Variants in ISLR2 observed in about 807,000 individuals in gnomAD.
ISLR2 encodes immunoglobulin superfamily containing leucine rich repeat 2, also known as immunoglobulin superfamily containing leucine-rich repeat protein 2.
In ISLR2, 16 loss-of-function variants were observed where a neutral mutation model predicts 25.5. The observed-to-expected ratio is 0.63, with a 90% CI of 0.43 to 0.95. ISLR2 has a LOEUF of 0.95. Among genes scored for constraint, ISLR2 ranks in the 40% least tolerant of loss-of-function variants. ISLR2 has a pLI of 0.00. For missense variants in ISLR2, 883 were observed against 1,030.7 expected, an observed-to-expected ratio of 0.86 and a Z score of 1.96; for synonymous variants, 508 against 486.6, an observed-to-expected ratio of 1.04 and a Z score of -0.58.
chr15:74,141,442 C>A (rs546659168), downstream of ISLR2, among the ~76,000 whole-genome samples: 1 of 152,032 alleles, frequency 6.6e-6, no homozygotes, highest in African/African-American at 2.4e-5. Flanking sequence ...TGATCATTGT[C>A]GAAATGGGGA....
At chr15:74,123,358 G>A (rs771512613), upstream of ISLR2, among the ~76,000 whole-genome samples, 18 of 152,174 alleles carry the variant, frequency 1.2e-4, no homozygotes, top group Non-Finnish European at 2.5e-4. Context: ...AGCCCTGTCA[G>A]ATGGCAGCCT....
At chr15:74,104,471 G>A (rs1284507073) in intron 2 of ISLR2, among the ~76,000 whole-genome samples, 1 of 152,242 alleles carries the variant, frequency 6.6e-6, no homozygotes, top group African/African-American at 2.4e-5. Context: ...AGGTCCAAAA[G>A]GAGCACCTGA....
At chr15:74,129,363 G>C (rs1400742341), upstream of ISLR2, 2 of 247,554 alleles carry the variant, frequency 8.1e-6, no homozygotes, top group Non-Finnish European at 1.6e-5. This position sits in a 1 kb window ranked among gnomAD's most constrained non-coding sequence, Gnocchi z 4.5. Flanking sequence ...AGCTCATTAA[G>C]ATGCTCAACA....
downstream of ISLR2, among the ~76,000 whole-genome samples, chr15:74,140,634 G>T (rs1157478882): frequency 1.3e-5 from 2 of 152,206 alleles, no homozygotes; most frequent in African/African-American, 2.4e-5. Context: ...CAGGACATAA[G>T]AAAGGCCCCT....
At chr15:74,109,802 A>G (rs530854942) in intron 2 of ISLR2, among the ~76,000 whole-genome samples, 10 of 152,136 alleles carry the variant, frequency 6.6e-5, no homozygotes, top group African/African-American at 2.4e-4. Flanking sequence ...CCTTTTATTC[A>G]TTTATTTATT....
chr15:74,130,884 T>TG (rs1178063951), intron 1 of ISLR2, among the ~76,000 whole-genome samples: 2 of 151,178 alleles, frequency 1.3e-5, no homozygotes, highest in Non-Finnish European at 2.9e-5. Flanking sequence ...TGTGTAAATG[T>TG]GGGGGTACGT....
intron 2 of ISLR2, among the ~76,000 whole-genome samples, chr15:74,121,702 C>G (rs35955705): frequency 6.6e-6 from 1 of 152,288 alleles, no homozygotes; most frequent in East Asian, 1.9e-4. Flanking sequence ...CCCCCTTACA[C>G]TGAATTGTGC....
upstream of ISLR2, chr15:74,128,161 C>G (rs1381470046): frequency 3.3e-6 from 1 of 298,694 alleles, no homozygotes; most frequent in Non-Finnish European, 6.4e-6. Flanking sequence ...CGGCGCCGGA[C>G]GAGGTGCGCG....
chr15:74,102,049 A>G (rs2072084578), intron 1 of ISLR2, among the ~76,000 whole-genome samples: 1 of 150,616 alleles, frequency 6.6e-6, no homozygotes, highest in Admixed American at 6.6e-5. Context: ...ACCCGTCTCT[A>G]CTGTAAATAA....
At position 74,133,622 on chromosome 15, in the gene ISLR2, G is replaced by C; in HGVS notation, c.868G>C (p.Gly290Arg). Residue 290 changes from glycine (G) to arginine (R), a missense_variant, in exon 3 of 3, where the codon GGG becomes CGG. Gly to Arg is a moderately radical substitution (Grantham distance 125). Around this residue, in one of 2 missense-constraint regions of ISLR2, gnomAD observed 612 missense variants for 642.8 expected, o/e 0.95. Coordinates refer to ENST00000453268, the MANE Select transcript of ISLR2 (RefSeq NM_020851.3). ...AGTCTTAGAGCCACCGGTTCTGAGC[G>C]GGGAGGACGACGGGGTTGGGGCGGA... Reference protein sequence around the residue: ...TVVLEPPVLSGEDDGVGAEEG... With the variant: ...TVVLEPPVLSREDDGVGAEEG... 1 of 1,613,866 alleles carries C rather than the reference G, an allele frequency of 6.2e-7. No homozygotes were observed. Among genetic ancestry groups the C allele is most frequent in the Non-Finnish European group, 8.5e-7 (1 of 1,179,924 alleles).
intron 2 of ISLR2, among the ~76,000 whole-genome samples, chr15:74,112,616 C>T (rs2072177250): frequency 6.6e-6 from 1 of 151,876 alleles, no homozygotes; most frequent in South Asian, 2.1e-4. Flanking sequence ...CAACCTCCAC[C>T]TCCCAGGTTC....
Position 74,133,601 on chromosome 15 carries a change from T to G in ISLR2, c.847T>G (p.Leu283Val). 1 of 1,614,070 alleles carries G rather than the reference T, an allele frequency of 6.2e-7. No homozygotes were observed. Among genetic ancestry groups the G allele is most frequent in the Non-Finnish European group, 8.5e-7 (1 of 1,179,996 alleles). ...TCAGATCCCCGGTGGCACCGTAGTC[T>G]TAGAGCCACCGGTTCTGAGCGGGGA... The part of the protein sequence containing the change: ...QLQIPGGTVV[L>V]EPPVLSGEDD... Residue 283 changes from leucine (L) to valine (V), a missense_variant, in exon 3 of 3, where the codon TTA becomes GTA. This residue lies in a region of ISLR2 where 612 missense variants were observed against 642.8 expected (regional missense o/e 0.95). Coordinates refer to ENST00000453268, the MANE Select transcript of ISLR2 (RefSeq NM_020851.3).
In ISLR2 at chr15:74,134,866, C is replaced by T; in HGVS notation, c.2112C>T (p.Ser704=). 1 of 1,614,112 alleles carries T rather than the reference C, an allele frequency of 6.2e-7. No individual in the cohort carries two copies. Among genetic ancestry groups the T allele is most frequent in the Non-Finnish European group, 8.5e-7 (1 of 1,180,030 alleles). Reference sequence around the variant, plus strand: ...TGGCGGCCTGCTCACTGGTGGAGTCCCAGTCCAAGGCCAACCAAGAGGAGT... The same window carrying T: ...TGGCGGCCTGCTCACTGGTGGAGTCTCAGTCCAAGGCCAACCAAGAGGAGT... ...ESLAACSLVE[S]QSKANQEEFE... Residue 704 remains serine (S), a synonymous_variant, in exon 3 of 3, where the codon TCC becomes TCT. Coordinates refer to ENST00000453268, the MANE Select transcript of ISLR2 (RefSeq NM_020851.3).
intron 2 of ISLR2, among the ~76,000 whole-genome samples, chr15:74,118,277 T>C (rs546053084): frequency 1.3e-5 from 2 of 152,142 alleles, no homozygotes; most frequent in East Asian, 1.9e-4. Flanking sequence ...AGTGTACGAA[T>C]AGGGTGTGGG....
chr15:74,133,249 C>T lies in ISLR2; in HGVS notation c.495C>T (p.Gly165=), dbSNP rs1274961778. 1 of 1,612,098 alleles carries T rather than the reference C, an allele frequency of 6.2e-7. No homozygotes were observed. Among genetic ancestry groups the T allele is most frequent in the Admixed American group, 1.7e-5 (1 of 60,034 alleles). Residue 165 remains glycine, a synonymous_variant, in exon 3 of 3, where the codon GGC becomes GGT. Coordinates refer to ENST00000453268, the MANE Select transcript of ISLR2 (RefSeq NM_020851.3). The part of the protein sequence containing the change: ...NNNRLRTLAP[G]TFDALSALSH... ...ACCGGCTGCGTACGCTGGCGCCTGG[C>T]ACCTTCGACGCGCTTAGCGCGCTGT...
In ISLR2 at chr15:74,135,036, G is replaced by A. The variant is rs758271111; in HGVS notation, c.*44G>A. On this transcript the variant is annotated 3_prime_UTR_variant, in exon 3 of 3. Transcript: ENST00000453268. Reference sequence around the variant, plus strand: ...CGCCCATTCCCGACCTCCACCTAGGGTGCCTGGGAGCAGCAGTCTAGGGCT... The same window carrying A: ...CGCCCATTCCCGACCTCCACCTAGGATGCCTGGGAGCAGCAGTCTAGGGCT... 4 of 1,587,316 alleles carry A rather than the reference G, an allele frequency of 2.5e-6. No individual in the cohort carries two copies. The South Asian group carries it at 4.6e-5, about 18-fold the overall frequency.
rs374669132 is a variant in ISLR2 at position 74,134,549 on chromosome 15, T to G, written c.1795T>G (p.Phe599Val). Residue 599 changes from phenylalanine (F) to valine (V), a missense_variant, in exon 3 of 3, where the codon TTC becomes GTC. Transcript: ENST00000453268. ...GCTGGTCATAGTGGCAGTGAGCGTA[T>G]TCCTCCTGGTGCTGGCCACAGTGCC... ...SLLVIVAVSV[F>V]LLVLATVPLL... 3.7e-6 allele frequency: 6 copies of G among 1,613,978 alleles called. No homozygotes were observed. The African/African-American group carries it at 8.0e-5, about 22-fold the overall frequency.
chr15:74,111,224 A>G (rs1185231419), intron 2 of ISLR2, among the ~76,000 whole-genome samples: 2 of 150,028 alleles, frequency 1.3e-5, no homozygotes, highest in African/African-American at 2.5e-5. Flanking sequence ...TGCTGAGTAG[A>G]AAAAAAAAGC....
At chr15:74,124,165 A>C (rs1279184905), upstream of ISLR2, among the ~76,000 whole-genome samples, 2 of 150,156 alleles carry the variant, frequency 1.3e-5, no homozygotes, top group African/African-American at 4.9e-5. Context: ...AGTATGGTCC[A>C]TTATAATCCT....
Sources: allele counts gnomAD v4.1 joint callset (sites outside exome capture counted in the v4.1 genomes callset), GRCh38; gene constraint gnomAD v4.1.1; regional missense constraint gnomAD v4.1.1; non-coding constraint Gnocchi (gnomAD v3.1); transcripts MANE v1.5; gene names NCBI Gene and HGNC (gene_info 2026-07-23, HGNC 2026-07-21).